The following CNTNAP2 variants were observed in gnomAD, a reference collection of about 807,000 sequenced individuals.
The protein encoded by CNTNAP2 is contactin associated protein 2, also known as contactin-associated protein-like 2.
Under a neutral mutation model 155.2 loss-of-function variants are expected in CNTNAP2, and 98 were observed. That is an observed-to-expected ratio of 0.63 (90% CI 0.54 to 0.75). CNTNAP2 has a LOEUF of 0.75. CNTNAP2 is among the 30% of genes least tolerant of loss of function. CNTNAP2 has a pLI of 0.00. For synonymous variants in CNTNAP2, 651 were observed against 631.2 expected (o/e 1.03, Z -0.47); for missense variants, 1,727 against 1,688.1 (o/e 1.02, Z -0.40).
chr7:147,219,942 A>ATTTTTTT (rs34947567), intron 8 of CNTNAP2, among the ~76,000 whole-genome samples: 2 of 123,016 alleles, frequency 1.6e-5, no homozygotes, highest in African/African-American at 3.1e-5. Flanking sequence ...CGCCCAGCTA[A>ATTTTTTT]TTTTTTTTTT....
intron 10 of CNTNAP2, among the ~76,000 whole-genome samples, chr7:147,466,478 T>TTCTA (rs1487492567): frequency 1.3e-5 from 2 of 152,082 alleles, no homozygotes; most frequent in Non-Finnish European, 2.9e-5. Flanking sequence ...GGAAGAGGGA[T>TTCTA]TCTAGTTTTT....
chr7:147,981,237 C>G (rs192163013), intron 15 of CNTNAP2, among the ~76,000 whole-genome samples: 126 of 152,316 alleles, frequency 8.3e-4, no homozygotes, highest in African/African-American at 2.9e-3. Flanking sequence ...AGTTGTTTTC[C>G]CAACTGTACT....
intron 1 of CNTNAP2, among the ~76,000 whole-genome samples, chr7:146,346,306 G>A (rs142899522): frequency 1.3e-5 from 2 of 152,152 alleles, no homozygotes; most frequent in Non-Finnish European, 2.9e-5. Context: ...CTGTCAGATC[G>A]TCTGTGGCAT....
In CNTNAP2 at chr7:147,562,237, A is replaced by C; in HGVS notation, c.1877A>C (p.Lys626Thr). Reference protein sequence around the residue: ...PDGSGPLGPLKVYCNMTEDKV... With the variant: ...PDGSGPLGPLTVYCNMTEDKV... The stretch of plus-strand genomic sequence containing the variant: ...GGCAGCGGACCTCTGGGGCCTCTGA[A>C]AGTTTACTGCAACATGACAGGTAAC... The change falls in exon 12 of 24, where the codon AAA becomes ACA. Residue 626 changes from lysine to threonine, a missense_variant. Lys to Thr is a moderately conservative substitution (Grantham distance 78). Coordinates refer to ENST00000361727, the MANE Select transcript of CNTNAP2 (RefSeq NM_014141.6). 1.2e-6 allele frequency: 2 copies of C among 1,613,974 alleles called. No homozygotes were observed. Among genetic ancestry groups the C allele is most frequent in the Admixed American group, 3.3e-5 (2 of 60,016 alleles).
At position 146,377,004 on chromosome 7, in the gene CNTNAP2, G is replaced by C. The variant is rs143149890; in HGVS notation, c.97+260031G>C. 5.4e-3 allele frequency among the ~76,000 whole-genome samples: 815 copies of C among 152,270 alleles called. 3 individuals are homozygous for C. The highest frequency in any genetic ancestry group is 0.01 in the Middle Eastern group (3 of 294). On this transcript the variant is annotated intron_variant, in intron 1 of 23. Transcript: ENST00000361727. ...TTGATCTTGGCCTTCTCAGCCTCCAGAAATGTGAGAAAATAAATTTCCATT... is the reference window on the plus strand; with the variant it reads ...TTGATCTTGGCCTTCTCAGCCTCCACAAATGTGAGAAAATAAATTTCCATT...
intron 1 of CNTNAP2, among the ~76,000 whole-genome samples, chr7:146,163,517 CTATA>C (rs71525927): frequency 4.8e-5 from 7 of 145,078 alleles, no homozygotes; most frequent in African/African-American, 1.8e-4. Flanking sequence ...CTATATATAT[CTATA>C]TATATCTATA....
At chr7:146,465,858 T>C (rs1796710068) in intron 1 of CNTNAP2, among the ~76,000 whole-genome samples, 1 of 152,206 alleles carries the variant, frequency 6.6e-6, no homozygotes, top group Non-Finnish European at 1.5e-5. Context: ...ATCTAGTTAT[T>C]GAAATCAATT....
intron 14 of CNTNAP2, among the ~76,000 whole-genome samples, chr7:147,913,343 C>A (rs2116767154): frequency 6.6e-6 from 1 of 152,234 alleles, no homozygotes; most frequent in Middle Eastern, 3.4e-3. Context: ...GAAGTACTTG[C>A]CAGGCATGTC....
At chr7:146,680,181 A>C (rs1227978890) in intron 1 of CNTNAP2, among the ~76,000 whole-genome samples, 2 of 152,202 alleles carry the variant, frequency 1.3e-5, no homozygotes, top group Non-Finnish European at 2.9e-5. Context: ...TCAATGAATT[A>C]GGTGATTTTG....
chr7:146,493,870 A>G (rs1797174283), intron 1 of CNTNAP2, among the ~76,000 whole-genome samples: 1 of 152,176 alleles, frequency 6.6e-6, no homozygotes, highest in South Asian at 2.1e-4. Flanking sequence ...TATTTGCAAA[A>G]GAAAAATGCT....
At chr7:146,598,057 A>G (rs562670287) in intron 1 of CNTNAP2, among the ~76,000 whole-genome samples, 1 of 152,126 alleles carries the variant, frequency 6.6e-6, no homozygotes, top group Admixed American at 6.5e-5. Context: ...AGCTCACACC[A>G]AATCCAGTCC....
chr7:148,085,251 A>G (rs1386911315), intron 15 of CNTNAP2, among the ~76,000 whole-genome samples: 1 of 152,360 alleles, frequency 6.6e-6, no homozygotes. Context: ...AGTACAAGTC[A>G]GATGTGTTCC....
At chr7:147,124,718 C>T (rs141538738) in intron 6 of CNTNAP2, among the ~76,000 whole-genome samples, 134 of 152,146 alleles carry the variant, frequency 8.8e-4, no homozygotes, top group African/African-American at 2.8e-3. Context: ...GCTTAGCAGT[C>T]GGTTCTTGTG....
intron 3 of CNTNAP2, among the ~76,000 whole-genome samples, chr7:146,866,896 G>A (rs1318130250): frequency 1.3e-5 from 2 of 151,988 alleles, no homozygotes; most frequent in Admixed American, 6.6e-5. Flanking sequence ...ACATAACTTC[G>A]ATAGGGTCTT....
At chr7:146,136,546 G>T (rs769227628) in intron 1 of CNTNAP2, among the ~76,000 whole-genome samples, 2 of 152,128 alleles carry the variant, frequency 1.3e-5, no homozygotes, top group Non-Finnish European at 2.9e-5. Context: ...GAGGAAATTA[G>T]TGTGGCGTGG....
At chr7:146,820,492 G>A (rs999094838) in intron 2 of CNTNAP2, among the ~76,000 whole-genome samples, 1 of 152,000 alleles carries the variant, frequency 6.6e-6, no homozygotes, top group Admixed American at 6.6e-5. Flanking sequence ...GAGTTTCTTA[G>A]TCCTGAGTTC....
At chr7:146,814,360 TG>T (rs1327386001) in intron 2 of CNTNAP2, among the ~76,000 whole-genome samples, 1 of 152,162 alleles carries the variant, frequency 6.6e-6, no homozygotes, top group Non-Finnish European at 1.5e-5. Flanking sequence ...TTTTTAGGGC[TG>T]TGTTTTAGTA....
At chr7:147,582,617 T>A (rs1417815670) in intron 12 of CNTNAP2, among the ~76,000 whole-genome samples, 1 of 152,176 alleles carries the variant, frequency 6.6e-6, no homozygotes, top group African/African-American at 2.4e-5. Flanking sequence ...AAAGAAATTC[T>A]TTATGCCAAT....
intron 3 of CNTNAP2, among the ~76,000 whole-genome samples, chr7:146,911,547 A>G (rs577063805): frequency 5.9e-5 from 9 of 151,388 alleles, no homozygotes; most frequent in African/African-American, 1.7e-4. Flanking sequence ...TCAGTAAACT[A>G]TTGCAAGAAC....
Sources: allele counts gnomAD v4.1 joint callset (sites outside exome capture counted in the v4.1 genomes callset), GRCh38; gene constraint gnomAD v4.1.1; transcripts MANE v1.5; gene names NCBI Gene and HGNC (gene_info 2026-07-23, HGNC 2026-07-21).